Variants in DOCK4 observed in about 807,000 individuals in gnomAD.
The protein encoded by DOCK4 is dedicator of cytokinesis 4.
Under a neutral mutation model 268.1 loss-of-function variants are expected in DOCK4, and 97 were observed. That is an observed-to-expected ratio of 0.36 (90% CI 0.31 to 0.43). The LOEUF is 0.43. Ranked by LOEUF, DOCK4 falls within the 20% of genes least tolerant of loss-of-function variation. DOCK4 has a pLI of 1.00. For missense variants in DOCK4, 2,145 were observed against 2,455.7 expected, an observed-to-expected ratio of 0.87 and a Z score of 2.67; for synonymous variants, 954 against 887.2, an observed-to-expected ratio of 1.08 and a Z score of -1.34.
rs368153613 is a variant in DOCK4, at chr7:111,871,644, T to C, written c.2027+346A>G. ...CATATTTCTTTCTTATGAACATTTA[T>C]AATCATCAGGGAGTACAGTGATGAA... On this transcript the variant is annotated intron_variant, in intron 20 of 52. Coordinates refer to ENST00000428084, the MANE Select transcript of DOCK4 (RefSeq NM_001363540.2). 1.2e-3 allele frequency among the ~76,000 whole-genome samples: 180 copies of C among 152,344 alleles called. 2 individuals are homozygous for C. Among genetic ancestry groups the C allele is most frequent in the African/African-American group, 4.1e-3 (170 of 41,588 alleles).
intron 1 of DOCK4, among the ~76,000 whole-genome samples, chr7:112,109,943 A>T: frequency 6.6e-6 from 1 of 150,488 alleles, no homozygotes; most frequent in African/African-American, 2.5e-5. Flanking sequence ...ACGGGGTTTC[A>T]CTGTGTTAGC....
intron 1 of DOCK4, among the ~76,000 whole-genome samples, chr7:112,036,105 C>G (rs988914198): frequency 1.9e-4 from 29 of 151,752 alleles, no homozygotes; most frequent in African/African-American, 6.3e-4. Context: ...CAGGTATGAC[C>G]CAAGAATATT....
At chr7:111,879,665 G>A (rs759130016) in intron 16 of DOCK4, among the ~76,000 whole-genome samples, 7 of 152,092 alleles carry the variant, frequency 4.6e-5, no homozygotes, top group East Asian at 1.9e-4. Flanking sequence ...AGGAAACTCC[G>A]AGAAATTCAA....
At chr7:111,863,620 T>G (rs1412785493) in intron 22 of DOCK4, 56 bp from the exon 23 acceptor site, 2 of 1,488,020 alleles carry the variant, frequency 1.3e-6, no homozygotes, top group African/African-American at 1.4e-5. Flanking sequence ...AGAAATATGC[T>G]GCAAAACGTC....
chr7:112,180,446 C>T (rs544079529), intron 1 of DOCK4, among the ~76,000 whole-genome samples: 1 of 152,344 alleles, frequency 6.6e-6, no homozygotes, highest in East Asian at 1.9e-4. Context: ...GGCTGCAATT[C>T]TCCTTTCCCA....
chr7:111,868,246 A>G, intron 21 of DOCK4, 92 bp from the exon 22 acceptor site: 2 of 987,738 alleles, frequency 2.0e-6, no homozygotes, highest in Non-Finnish European at 2.9e-6. Flanking sequence ...GTATGGCATT[A>G]AACTTTTACA....
chr7:111,801,304 A>G (rs948782398), intron 30 of DOCK4, among the ~76,000 whole-genome samples: 2 of 152,018 alleles, frequency 1.3e-5, no homozygotes, highest in African/African-American at 4.8e-5. Flanking sequence ...ATAACTGATC[A>G]TTTTTCCGCT....
intron 5 of DOCK4, among the ~76,000 whole-genome samples, chr7:111,992,422 G>C (rs1799615078): frequency 6.6e-6 from 1 of 152,170 alleles, no homozygotes; most frequent in Non-Finnish European, 1.5e-5. Context: ...GGCCAAGGTA[G>C]CTTCACTCCT....
intron 12 of DOCK4, among the ~76,000 whole-genome samples, chr7:111,925,161 C>T (rs1793496640): frequency 6.6e-6 from 1 of 152,138 alleles, no homozygotes; most frequent in South Asian, 2.1e-4. Flanking sequence ...CAAAATTAAT[C>T]ATCTAAGCTT....
intron 39 of DOCK4, 109 bp downstream of exon 39, chr7:111,765,009 C>G (rs1482545877): frequency 8.1e-6 from 4 of 490,986 alleles, no homozygotes; most frequent in Non-Finnish European, 1.4e-5. Flanking sequence ...TAAAAAAAGT[C>G]TCATGCATAT....
intron 42 of DOCK4, among the ~76,000 whole-genome samples, chr7:111,748,269 C>CAACA (rs1796407556): frequency 6.6e-6 from 1 of 151,950 alleles, no homozygotes; most frequent in African/African-American, 2.4e-5. Flanking sequence ...CATCTTAAAC[C>CAACA]AACACTGAAA....
At chr7:111,846,279 T>C (rs73715277) in intron 24 of DOCK4, among the ~76,000 whole-genome samples, 3,430 of 152,332 alleles carry the variant, frequency 0.023, 126 homozygotes, top group African/African-American at 0.078. Context: ...CTGTTACCGA[T>C]GAGCAAAATG....
chr7:111,738,374 A>G (rs1345702373), intron 49 of DOCK4, among the ~76,000 whole-genome samples: 2 of 152,224 alleles, frequency 1.3e-5, no homozygotes, highest in East Asian at 1.9e-4. Context: ...GGGTACCCAG[A>G]TAGGAATCGA....
At chr7:111,876,158 T>C (rs1246973387) in intron 17 of DOCK4, among the ~76,000 whole-genome samples, 1 of 152,202 alleles carries the variant, frequency 6.6e-6, no homozygotes, top group African/African-American at 2.4e-5. Flanking sequence ...AACTACTGAA[T>C]GCTGATAAAA....
At chr7:111,778,449 C>T (rs1798589852) in intron 35 of DOCK4, 80 bp from the exon 36 acceptor site, 2 of 827,994 alleles carry the variant, frequency 2.4e-6, no homozygotes, top group African/African-American at 1.7e-5. Context: ...TGCTAAAGTT[C>T]CATGTCTGGA....
rs543429682 is a variant in DOCK4 at position 111,900,067 on chromosome 7, C to G, written c.1480+307G>C. ...AGATACACACAAATCAGATATGCAT[C>G]TGAACTGGCCAAAGGCTTTCCCAGT... On this transcript the variant is annotated intron_variant, in intron 15 of 52. Coordinates refer to ENST00000428084, the MANE Select transcript of DOCK4 (RefSeq NM_001363540.2). Among the ~76,000 whole-genome samples, 9 of 152,328 alleles carry G rather than the reference C, an allele frequency of 5.9e-5. No homozygotes were observed. In the South Asian group the frequency reaches 1.9e-3, roughly 32 times the overall value.
chr7:112,173,365 T>C (rs1227465664), intron 1 of DOCK4, among the ~76,000 whole-genome samples: 1 of 152,180 alleles, frequency 6.6e-6, no homozygotes, highest in Non-Finnish European at 1.5e-5. Context: ...TTCCGGACAA[T>C]AGCCCTTGTT....
intron 49 of DOCK4, among the ~76,000 whole-genome samples, chr7:111,738,874 G>A (rs1269763192): frequency 6.6e-6 from 1 of 152,044 alleles, no homozygotes; most frequent in Non-Finnish European, 1.5e-5. Flanking sequence ...GGAGGTGGAG[G>A]TTGCAGTGAG....
At chr7:112,202,519 T>C (rs1421329464) in intron 1 of DOCK4, among the ~76,000 whole-genome samples, 1 of 52,374 alleles carries the variant, frequency 1.9e-5, no homozygotes, top group Non-Finnish European at 4.4e-5. Flanking sequence ...AATTTGTTAA[T>C]AGCCTGATTA....
Sources: allele counts gnomAD v4.1 joint callset (sites outside exome capture counted in the v4.1 genomes callset), GRCh38; gene constraint gnomAD v4.1.1; transcripts MANE v1.5; gene names NCBI Gene and HGNC (gene_info 2026-07-23, HGNC 2026-07-21).